The following ZNF559 variants were observed in gnomAD, a reference collection of about 807,000 sequenced individuals.
ZNF559 encodes the protein zinc finger protein 559.
Under a neutral mutation model 14.2 loss-of-function variants are expected in ZNF559, and 17 were observed. That is an observed-to-expected ratio of 1.20 (90% CI 0.82 to 1.80). The LOEUF (loss-of-function observed/expected upper bound fraction) is 1.80, where lower values mean the gene tolerates loss of function less well. ZNF559 is among the 40% of genes most tolerant of loss of function. The pLI is 0.00. For missense variants in ZNF559, 740 were observed against 629.7 expected (o/e 1.18, Z -1.88); for synonymous variants, 244 against 212.4 (o/e 1.15, Z -1.29).
chr19:9,331,471 T>C (rs992322451), intron 2 of ZNF559, among the ~76,000 whole-genome samples: 6 of 152,116 alleles, frequency 3.9e-5, no homozygotes, highest in Non-Finnish European at 8.8e-5. Flanking sequence ...TCCATGCAAA[T>C]GATAACCAAA....
intron 5 of ZNF559, among the ~76,000 whole-genome samples, chr19:9,340,733 A>ATTTTTTTTTTTTTTTTTTTTTTTTTTT (rs201367378): frequency 1.6e-5 from 2 of 124,662 alleles, no homozygotes; most frequent in African/African-American, 3.1e-5. Context: ...TGCCTGGCTA[A>ATTTTTTTTTTTTTTTTTTTTTTTTTTT]TTTTTTTTTT....
chr19:9,324,239 G>C lies in ZNF559; in HGVS notation c.-206+11G>C, dbSNP rs1251695416. ...CCGTTGGCGTCTGAGGTAAGTTTTTGTTTCTGGGCGGCGTTCGGTGGTGTC... is the reference window on the plus strand; with the variant it reads ...CCGTTGGCGTCTGAGGTAAGTTTTTCTTTCTGGGCGGCGTTCGGTGGTGTC... On this transcript the variant is annotated intron_variant, in intron 1 of 6. Coordinates refer to ENST00000603380, the MANE Select transcript of ZNF559 (RefSeq NM_032497.3). 2.0e-6 allele frequency: 3 copies of C among 1,536,116 alleles called. No individual in the cohort carries two copies. The Admixed American group carries it at 5.9e-5, about 30-fold the overall frequency.
intron 4 of ZNF559, 148 bp downstream of exon 4, chr19:9,338,730 C>T (rs967954657): frequency 5.2e-5 from 32 of 617,424 alleles, no homozygotes; most frequent in Non-Finnish European, 8.9e-5. Flanking sequence ...ACCACAGGGC[C>T]TCTCACATGG....
chr19:9,339,224 A>T lies in ZNF559; in HGVS notation c.65A>T (p.Asp22Val). 6.2e-7 allele frequency: 1 copy of T among 1,614,018 alleles called. No individual in the cohort carries two copies. Among genetic ancestry groups the T allele is most frequent in the Non-Finnish European group, 8.5e-7 (1 of 1,179,942 alleles). Residue 22 changes from aspartate (D) to valine (V), a missense_variant, in exon 5 of 7, where the codon GAC becomes GTC. Coordinates refer to ENST00000603380, the MANE Select transcript of ZNF559 (RefSeq NM_032497.3). Reference sequence around the variant, plus strand: ...GTGACCTTTGAGGATGTGGCTGTGGACTTCACCCAGGAGGAGTGGACTTTG... The same window carrying T: ...GTGACCTTTGAGGATGTGGCTGTGGTCTTCACCCAGGAGGAGTGGACTTTG... Reference protein sequence around the residue: ...DSVTFEDVAVDFTQEEWTLLD... With the variant: ...DSVTFEDVAVVFTQEEWTLLD...
intron 2 of ZNF559, among the ~76,000 whole-genome samples, chr19:9,331,499 A>G (rs145027929): frequency 1.2e-4 from 18 of 152,360 alleles, no homozygotes; most frequent in African/African-American, 4.1e-4. Context: ...AGGAGCCCCT[A>G]TTCTTACATC....
At chr19:9,324,364 C>A in intron 1 of ZNF559, 136 bp downstream of exon 1, 1 of 1,503,476 alleles carries the variant, frequency 6.7e-7, no homozygotes, top group South Asian at 1.3e-5. Context: ...ATCTTGTGGG[C>A]TCTCCCAAGT....
intron 2 of ZNF559, among the ~76,000 whole-genome samples, chr19:9,334,544 A>G (rs2067121213): frequency 6.6e-6 from 1 of 152,184 alleles, no homozygotes; most frequent in African/African-American, 2.4e-5. Flanking sequence ...GACAAAATTA[A>G]CCTATACCGT....
At chr19:9,324,461 G>A in intron 1 of ZNF559, 1 of 1,426,900 alleles carries the variant, frequency 7.0e-7, no homozygotes, top group Non-Finnish European at 9.2e-7. Context: ...GAGGAGGCGG[G>A]GGGCACGGCC....
At chr19:9,333,689 C>T (rs939558485) in intron 2 of ZNF559, among the ~76,000 whole-genome samples, 5 of 150,816 alleles carry the variant, frequency 3.3e-5, no homozygotes, top group Admixed American at 6.6e-5. Flanking sequence ...GGCCCTGTCC[C>T]CCACCCCCAC....
chr19:9,328,049 C>A (rs1274105231), intron 2 of ZNF559, among the ~76,000 whole-genome samples: 1 of 152,158 alleles, frequency 6.6e-6, no homozygotes, highest in Admixed American at 6.5e-5. Flanking sequence ...TATTTTCTTA[C>A]ATCATACATT....
intron 2 of ZNF559, among the ~76,000 whole-genome samples, chr19:9,335,912 C>T (rs986432726): frequency 6.6e-6 from 1 of 152,212 alleles, no homozygotes; most frequent in Non-Finnish European, 1.5e-5. Context: ...TTAAAGGATT[C>T]GTGAATCAGG....
chr19:9,341,632 G>C (rs16979655), intron 6 of ZNF559, 63 bp from the exon 7 acceptor site: 25,192 of 1,602,584 alleles, frequency 0.016, 607 homozygotes, highest in African/African-American at 0.11. Context: ...AGAGTAAAAG[G>C]GAGAATCTCA....
chr19:9,323,939 A>C (rs915444745), upstream of ZNF559: 13 of 569,582 alleles, frequency 2.3e-5, no homozygotes, highest in Non-Finnish European at 3.7e-5. Flanking sequence ...TTGTTGCTTC[A>C]TTCTTTCTTT....
intron 4 of ZNF559, 51 bp downstream of exon 4, chr19:9,338,633 G>GT (rs1455392517): frequency 8.6e-6 from 12 of 1,402,914 alleles, no homozygotes; most frequent in Non-Finnish European, 1.2e-5. Flanking sequence ...TTCCTACCAT[G>GT]TAGATGTGTT....
Position 9,342,831 on chromosome 19 carries a change from A to AG in ZNF559, c.1384dup (p.Glu462GlyfsTer5), listed in dbSNP as rs779267749. The stretch of plus-strand genomic sequence containing the variant: ...TTAGTCAACATAAAAGAATACATAC[A>AG]GGGGAGAGGCCATATAAATGTCAAA... On this transcript the variant is annotated frameshift_variant, in exon 7 of 7. Transcript: ENST00000603380. LOFTEE classifies it low-confidence loss of function (END_TRUNC). 5.6e-6 allele frequency: 9 copies of AG among 1,613,434 alleles called. No individual in the cohort carries two copies. In the African/African-American group the frequency reaches 1.2e-4, roughly 22 times the overall value.
rs142672319 is a variant in ZNF559 at position 9,339,451 on chromosome 19, C to A, written c.160+132C>A. On this transcript the variant is annotated intron_variant, in intron 5 of 6. Coordinates refer to ENST00000603380, the MANE Select transcript of ZNF559 (RefSeq NM_032497.3). ...CGAAACATTGTTTCCATCTCATAGA[C>A]CTTACTGCCTTGTGATTTTTCTGAT... 1.2e-3 allele frequency: 1,248 copies of A among 1,013,304 alleles called. 6 individuals carry two copies. In the African/African-American group the frequency reaches 0.018, roughly 14 times the overall value. The allele number at this position is 1,013,304 out of a possible 1,614,324, so 62.8% of individuals were successfully genotyped here. A position where few individuals can be genotyped will look rare whatever the true frequency, so the allele number is the denominator to read the frequency against.
intron 2 of ZNF559, among the ~76,000 whole-genome samples, chr19:9,334,477 A>T (rs573430106): frequency 6.6e-6 from 1 of 152,336 alleles, no homozygotes; most frequent in South Asian, 2.1e-4. Flanking sequence ...CATAATGTTG[A>T]ATCAAAAAAG....
In ZNF559 at chr19:9,343,312, A is replaced by T. The variant is rs1033811513; in HGVS notation, c.*244A>T. 48 of 1,280,240 alleles carry T rather than the reference A, an allele frequency of 3.7e-5. No individual in the cohort carries two copies. Among genetic ancestry groups the T allele is most frequent in the Non-Finnish European group, 4.8e-5 (48 of 1,009,926 alleles). 79.3% of individuals were successfully genotyped at this position (1,280,240 alleles called of 1,614,324 possible). ...TCTGTGCATCCTAGGAAACAAACTG[A>T]ACGTAGGAAACCTGTCGATGCTTAC... On this transcript the variant is annotated 3_prime_UTR_variant, in exon 7 of 7. Transcript: ENST00000603380.
Position 9,324,780 on chromosome 19 carries a change from G to A in ZNF559, c.-120G>A, listed in dbSNP as rs1020036465. On this transcript the variant is annotated splice_region_variant and 5_prime_UTR_variant, in exon 2 of 7. Transcript: ENST00000603380. ...CAACCTGACAATTCTGTCGTGTCCC[G>A]GTGAGCACTTCATGCACTTGTTCTG... 2.6e-6 allele frequency: 4 copies of A among 1,535,740 alleles called. No individual in the cohort carries two copies. The African/African-American group carries it at 4.1e-5, about 16-fold the overall frequency.
Sources: gnomAD v4.1 joint callset for allele counts (sites outside exome capture counted in the v4.1 genomes callset) on GRCh38, gnomAD v4.1.1 for gene constraint, MANE v1.5 for transcripts, NCBI Gene and HGNC (gene_info 2026-07-23, HGNC 2026-07-21) for gene names.